The following DMRTA1 variants were observed in gnomAD, a reference collection of about 807,000 sequenced individuals.
DMRTA1 encodes DMRT like family A1, also known as doublesex- and mab-3-related transcription factor A1.
A neutral mutation model predicts 35.2 loss-of-function variants in DMRTA1; 34 were observed. The observed-to-expected ratio is 0.97, with a 90% confidence interval of 0.74 to 1.29. The LOEUF (loss-of-function observed/expected upper bound fraction) is 1.29, where lower values mean the gene tolerates loss of function less well. DMRTA1 is among the 50% of genes most tolerant of loss of function. The probability of loss-of-function intolerance (pLI) is 0.00; values close to 1 mark genes in which losing one functional copy is unlikely to be tolerated. For missense variants in DMRTA1, 824 were observed against 644.6 expected (o/e 1.28, Z -3.01); for synonymous variants, 344 against 276.6 (o/e 1.24, Z -2.42).
chr9:22,450,913 G>T, intron 1 of DMRTA1, 151 bp from the exon 2 acceptor site: 2 of 769,802 alleles, frequency 2.6e-6, no homozygotes, highest in Non-Finnish European at 2.0e-6. Flanking sequence ...TTTTAAATTT[G>T]AGTTATTCAT....
rs1304372744 is a variant in DMRTA1, at chr9:22,452,645, A to G, written c.*734A>G. ...ATCGCCAATTGCAACTGAGCTCTGTAGAGTATATGAATTAGAAACATTGAT... is the reference window on the plus strand; with the variant it reads ...ATCGCCAATTGCAACTGAGCTCTGTGGAGTATATGAATTAGAAACATTGAT... On this transcript the variant is annotated 3_prime_UTR_variant, in exon 2 of 2. Coordinates refer to ENST00000325870, the MANE Select transcript of DMRTA1 (RefSeq NM_022160.3). 6.6e-6 allele frequency: 1 copy of G among 152,132 alleles called. No homozygotes were observed. Among genetic ancestry groups the G allele is most frequent in the Non-Finnish European group, 1.5e-5 (1 of 68,004 alleles). The allele number at this position is 152,132 out of a possible 1,614,324, so 9.4% of individuals were successfully genotyped here.
At position 22,451,091 on chromosome 9, in the gene DMRTA1, G is replaced by A. The variant is rs1818917523; in HGVS notation, c.695G>A (p.Cys232Tyr). The change falls in exon 2 of 2, where the codon TGC becomes TAC. Residue 232 changes from cysteine to tyrosine, a missense_variant. Coordinates refer to ENST00000325870, the MANE Select transcript of DMRTA1 (RefSeq NM_022160.3). ...CAAAAAGAGAGTAAATGTGAGTCATGCCAGAATGGACAAGAAGAACTGATC... is the reference window on the plus strand; with the variant it reads ...CAAAAAGAGAGTAAATGTGAGTCATACCAGAATGGACAAGAAGAACTGATC... Reference protein sequence around the residue: ...QEQKESKCESCQNGQEELISK... With the variant: ...QEQKESKCESYQNGQEELISK... 5 of 1,613,132 alleles carry A rather than the reference G, an allele frequency of 3.1e-6. No homozygotes were observed. Among genetic ancestry groups the A allele is most frequent in the East Asian group, 2.2e-5 (1 of 44,880 alleles).
At position 22,454,724 on chromosome 9, in the gene DMRTA1, TC is replaced by T. The variant is rs1449312659; in HGVS notation, c.*2814del. The T allele has an allele frequency of 6.6e-6, 1 of 152,134 alleles. No individual in the cohort carries two copies. Among genetic ancestry groups the T allele is most frequent in the Non-Finnish European group, 1.5e-5 (1 of 68,014 alleles). 9.4% of individuals were successfully genotyped at this position (152,134 alleles called of 1,614,324 possible). ...AAAAATGAATTGGGTTTATTCTGTA[TC>T]ATATAGAGGGCCTAAGAGGCAAACA... On this transcript the variant is annotated 3_prime_UTR_variant, in exon 2 of 2. Transcript: ENST00000325870.
rs1296481618 is a variant in DMRTA1 at position 22,447,850 on chromosome 9, A to T, written c.667+118A>T. On this transcript the variant is annotated intron_variant, in intron 1 of 1. Transcript: ENST00000325870. ...ATAGTTGTTTAAAAGAAACACTTTA[A>T]GTTTTGGGGAACTGCTCAGCAATAT... 3.2e-6 allele frequency: 4 copies of T among 1,237,336 alleles called. No homozygotes were observed. The East Asian group carries it at 1.0e-4, about 31-fold the overall frequency. 76.6% of individuals were successfully genotyped at this position (1,237,336 alleles called of 1,614,324 possible).
At chr9:22,448,400 T>G (rs574206444) in intron 1 of DMRTA1, among the ~76,000 whole-genome samples, 67 of 152,348 alleles carry the variant, frequency 4.4e-4, no homozygotes, top group African/African-American at 1.6e-3. Context: ...CTAAATTGTT[T>G]TCGCAAAATG....
chr9:22,449,144 A>G (rs1818885386), intron 1 of DMRTA1, among the ~76,000 whole-genome samples: 1 of 152,194 alleles, frequency 6.6e-6, no homozygotes, highest in South Asian at 2.1e-4. Flanking sequence ...AATGTTTGAA[A>G]GGTTACTTCA....
intron 1 of DMRTA1, 22 bp downstream of exon 1, chr9:22,447,754 T>C (rs777197577): frequency 1.9e-6 from 3 of 1,612,634 alleles, no homozygotes; most frequent in Admixed American, 1.7e-5. Context: ...TTTGATTTAC[T>C]CTTTGCTCAA....
At position 22,451,237 on chromosome 9, in the gene DMRTA1, C is replaced by T. The variant is rs752706554; in HGVS notation, c.841C>T (p.His281Tyr). ...SNKPDSILSP[H>Y]PGEQSGGEES... ...CAAGCCTGATAGTATCCTGTCTCCT[C>T]ATCCTGGAGAGCAATCAGGAGGTGA... The change falls in exon 2 of 2, where the codon CAT (histidine) becomes TAT (tyrosine). Residue 281 changes from histidine (H) to tyrosine (Y), a missense_variant. His to Tyr is a moderately conservative substitution (Grantham distance 83, BLOSUM62 2). Transcript: ENST00000325870. 5 of 1,613,982 alleles carry T rather than the reference C, an allele frequency of 3.1e-6. No homozygotes were observed. In the African/African-American group the frequency reaches 5.3e-5, roughly 17 times the overall value.
rs754519600 is a variant in DMRTA1, at chr9:22,451,493, G to A, written c.1097G>A (p.Gly366Asp). 5 of 1,614,148 alleles carry A rather than the reference G, an allele frequency of 3.1e-6. No individual in the cohort carries two copies. Among genetic ancestry groups the A allele is most frequent in the Non-Finnish European group, 3.4e-6 (4 of 1,179,986 alleles). ...CAAGCCATTGAACAGGTTTTAAATGGCAAAGAACACAAGCCAGACAACAGG... is the reference window on the plus strand; with the variant it reads ...CAAGCCATTGAACAGGTTTTAAATGACAAAGAACACAAGCCAGACAACAGG... ...VVQAIEQVLN[G>D]KEHKPDNRNL... The change falls in exon 2 of 2, where the codon GGC becomes GAC. Residue 366 changes from glycine to aspartate, a missense_variant. Coordinates refer to ENST00000325870, the MANE Select transcript of DMRTA1 (RefSeq NM_022160.3).
In DMRTA1 at chr9:22,447,102, G is replaced by A; in HGVS notation, c.37G>A (p.Val13Ile). The A allele has an allele frequency of 1.9e-6, 3 of 1,609,136 alleles. No individual in the cohort carries two copies. In the East Asian group the frequency reaches 6.7e-5, roughly 36 times the overall value. Reference protein sequence around the residue: ...RSQCGSRDRGVSGRPHLAPGL... With the variant: ...RSQCGSRDRGISGRPHLAPGL... ...ACAGTGTGGCAGCAGAGACCGAGGCGTTAGCGGCCGACCTCACTTGGCCCC... is the reference window on the plus strand; with the variant it reads ...ACAGTGTGGCAGCAGAGACCGAGGCATTAGCGGCCGACCTCACTTGGCCCC... Residue 13 changes from valine to isoleucine, a missense_variant, in exon 1 of 2, where the codon GTT becomes ATT. Physicochemically the swap from Val to Ile is conservative, Grantham distance 29 (BLOSUM62 3). Transcript: ENST00000325870.
chr9:22,455,564 T>G lies in DMRTA1; in HGVS notation c.*3653T>G, dbSNP rs1443280475. On this transcript the variant is annotated 3_prime_UTR_variant, in exon 2 of 2. Coordinates refer to ENST00000325870, the MANE Select transcript of DMRTA1 (RefSeq NM_022160.3). ...AGTACTGTAATTGCATTTAATCCACTTAGTGGATGTGGAGCCCAAAGGGCA... is the reference window on the plus strand; with the variant it reads ...AGTACTGTAATTGCATTTAATCCACGTAGTGGATGTGGAGCCCAAAGGGCA... 1.3e-5 allele frequency: 2 copies of G among 152,206 alleles called. No individual in the cohort carries two copies. Among genetic ancestry groups the G allele is most frequent in the Admixed American group, 6.5e-5 (1 of 15,282 alleles). 9.4% of individuals were successfully genotyped at this position (152,206 alleles called of 1,614,324 possible). A position where few individuals can be genotyped will look rare whatever the true frequency, so the allele number is the denominator to read the frequency against.
intron 1 of DMRTA1, 29 bp downstream of exon 1, chr9:22,447,761 T>G: frequency 3.1e-6 from 5 of 1,611,578 alleles, no homozygotes; most frequent in Non-Finnish European, 4.2e-6. Context: ...TACTCTTTGC[T>G]CAAGGAATGG....
In DMRTA1 at chr9:22,455,125, C is replaced by A. The variant is rs1376102292; in HGVS notation, c.*3214C>A. 6.6e-6 allele frequency: 1 copy of A among 152,122 alleles called. No individual in the cohort carries two copies. The highest frequency in any genetic ancestry group is 1.5e-5 in the Non-Finnish European group (1 of 68,020). The allele number at this position is 152,122 out of a possible 1,614,324, so 9.4% of individuals were successfully genotyped here. A position where few individuals can be genotyped will look rare whatever the true frequency, so the allele number is the denominator to read the frequency against. On this transcript the variant is annotated 3_prime_UTR_variant, in exon 2 of 2. Coordinates refer to ENST00000325870, the MANE Select transcript of DMRTA1 (RefSeq NM_022160.3). The stretch of plus-strand genomic sequence containing the variant: ...AGGCAGAAAAGAAAGACATAGAACG[C>A]AGTGCGTGACTTACAAGGGAATAAA...
At position 22,447,756 on chromosome 9, in the gene DMRTA1, T is replaced by G. The variant is rs374211867; in HGVS notation, c.667+24T>G. The stretch of plus-strand genomic sequence containing the variant: ...AGGTGAGTTGGTCTTTGATTTACTC[T>G]TTGCTCAAGGAATGGTTGTTCTGGA... On this transcript the variant is annotated intron_variant, in intron 1 of 1. Coordinates refer to ENST00000325870, the MANE Select transcript of DMRTA1 (RefSeq NM_022160.3). 1.1e-5 allele frequency: 17 copies of G among 1,607,494 alleles called. No individual in the cohort carries two copies. In the African/African-American group the frequency reaches 1.8e-4, roughly 17 times the overall value.
At position 22,454,542 on chromosome 9, in the gene DMRTA1, C is replaced by T. The variant is rs1818977595; in HGVS notation, c.*2631C>T. 4 of 152,188 alleles carry T rather than the reference C, an allele frequency of 2.6e-5. 1 individual carries two copies. In the South Asian group the frequency reaches 8.3e-4, roughly 32 times the overall value. The allele number at this position is 152,188 out of a possible 1,614,324, so 9.4% of individuals were successfully genotyped here. ...TGTGTGTACAAAAACAACCAATCAACCAATGTTGGTATTATTTGACAGTGT... is the reference window on the plus strand; with the variant it reads ...TGTGTGTACAAAAACAACCAATCAATCAATGTTGGTATTATTTGACAGTGT... On this transcript the variant is annotated 3_prime_UTR_variant, in exon 2 of 2. Coordinates refer to ENST00000325870, the MANE Select transcript of DMRTA1 (RefSeq NM_022160.3).
In DMRTA1 at chr9:22,447,717, C is replaced by A; in HGVS notation, c.652C>A (p.Pro218Thr). ...PAFEVFQQDY[P>T]EEKQEQKESK... ...TTTCGAAGTTTTCCAGCAAGATTATCCTGAGGAAAAACAAGGTGAGTTGGT... is the reference window on the plus strand; with the variant it reads ...TTTCGAAGTTTTCCAGCAAGATTATACTGAGGAAAAACAAGGTGAGTTGGT... Residue 218 changes from proline (P) to threonine (T), a missense_variant, in exon 1 of 2, where the codon CCT becomes ACT. Transcript: ENST00000325870. 1.2e-6 allele frequency: 2 copies of A among 1,613,396 alleles called. No individual in the cohort carries two copies. Among genetic ancestry groups the A allele is most frequent in the Non-Finnish European group, 1.7e-6 (2 of 1,179,994 alleles).
chr9:22,447,501 C>T lies in DMRTA1; in HGVS notation c.436C>T (p.Gln146Ter). The change falls in exon 1 of 2, where the codon CAG becomes TAG. Residue 146 changes from glutamine (Q) to a stop codon, truncating the protein, a stop_gained. Transcript: ENST00000325870. LOFTEE classifies it high-confidence loss of function. ...MAAQVALRRQ[Q>*]AQEESEARGL... ...CGCCCAGGTGGCGCTGCGCAGGCAG[C>T]AGGCGCAGGAGGAGAGCGAAGCCCG... 1.3e-6 allele frequency: 2 copies of T among 1,565,230 alleles called. No homozygotes were observed. The highest frequency in any genetic ancestry group is 2.4e-5 in the East Asian group (1 of 41,810).
In DMRTA1 at chr9:22,451,991, T is replaced by A; in HGVS notation, c.*80T>A. ...TGCACACACATACACACACATCCAT[T>A]AATATACTTCAGTAAGTATGTGAGT... On this transcript the variant is annotated 3_prime_UTR_variant, in exon 2 of 2. Transcript: ENST00000325870. 6.5e-7 allele frequency: 1 copy of A among 1,527,318 alleles called. No individual in the cohort carries two copies. The highest frequency in any genetic ancestry group is 8.8e-7 in the Non-Finnish European group (1 of 1,130,810). The allele number at this position is 1,527,318 out of a possible 1,614,324, so 94.6% of individuals were successfully genotyped here.
At chr9:22,450,731 T>C (rs1272161515) in intron 1 of DMRTA1, among the ~76,000 whole-genome samples, 2 of 152,142 alleles carry the variant, frequency 1.3e-5, no homozygotes, top group Admixed American at 6.5e-5. Context: ...ACAACCAAGA[T>C]AGAACAGACA....
Sources: gnomAD v4.1 joint callset for allele counts (sites outside exome capture counted in the v4.1 genomes callset) on GRCh38, gnomAD v4.1.1 for gene constraint, MANE v1.5 for transcripts, NCBI Gene and HGNC (gene_info 2026-07-23, HGNC 2026-07-21) for gene names.